PLEKHH2: variants seen among roughly 807,000 people sequenced by gnomAD.
The protein encoded by PLEKHH2 is pleckstrin homology domain-containing family H member 2.
PLEKHH2 carries 129 observed loss-of-function variants against 187.9 expected under a neutral mutation model. The observed-to-expected ratio is 0.69, with a 90% CI of 0.59 to 0.79. The LOEUF (loss-of-function observed/expected upper bound fraction) is 0.79. PLEKHH2 is among the 30% of genes least tolerant of loss of function. The probability of loss-of-function intolerance (pLI) is 0.00; values close to 1 mark genes in which losing one functional copy is unlikely to be tolerated. For missense variants in PLEKHH2, 2,076 were observed against 1,751.2 expected, an observed-to-expected ratio of 1.19 and a Z score of -3.31; for synonymous variants, 686 against 605.6, an observed-to-expected ratio of 1.13 and a Z score of -1.95.
intron 2 of PLEKHH2, among the ~76,000 whole-genome samples, chr2:43,666,931 A>T (rs1447815619): frequency 1.3e-5 from 2 of 152,168 alleles, no homozygotes; most frequent in Non-Finnish European, 2.9e-5. Context: ...AGTAATAGTA[A>T]TAGTAATAAT....
At chr2:43,757,654 A>G (rs1379390052) in intron 26 of PLEKHH2, among the ~76,000 whole-genome samples, 2 of 152,078 alleles carry the variant, frequency 1.3e-5, no homozygotes, top group Non-Finnish European at 2.9e-5. Context: ...TCCTGACCTC[A>G]TGAACTGCCT....
rs565634939 is a variant in PLEKHH2 at position 43,757,392 on chromosome 2, G to A, written c.3941+128G>A. ...CTCAAGATTTTTTTAACATGATTGA[G>A]CCACAGGAGATTATAGATTTTTTTT... On this transcript the variant is annotated intron_variant, in intron 26 of 29. Coordinates refer to ENST00000282406, the MANE Select transcript of PLEKHH2 (RefSeq NM_172069.4). 9.8e-5 allele frequency: 67 copies of A among 684,054 alleles called. 1 individual carries two copies. The South Asian group carries it at 3.1e-3, about 32-fold the overall frequency. The allele number at this position is 684,054 out of a possible 1,614,324, so 42.4% of individuals were successfully genotyped here.
chr2:43,682,446 A>G (rs991328949), intron 3 of PLEKHH2, among the ~76,000 whole-genome samples: 2 of 152,108 alleles, frequency 1.3e-5, no homozygotes, highest in Admixed American at 6.6e-5. Context: ...AGCTGGGACT[A>G]TAGGCACCCA....
chr2:43,754,194 ACAC>A lies in PLEKHH2; in HGVS notation c.3795+435_3795+437del, dbSNP rs1161946546. On this transcript the variant is annotated intron_variant, in intron 25 of 29. Transcript: ENST00000282406. Reference sequence around the variant, plus strand: ...CACACACACACACACACACACACACACACACACACACAAAATTAATACTGACTT... The same window carrying A: ...CACACACACACACACACACACACACAACACACACAAAATTAATACTGACTT... Among the ~76,000 whole-genome samples the A allele has an allele frequency of 7.9e-3, 976 of 124,164 alleles. 9 individuals carry two copies. Among genetic ancestry groups the A allele is most frequent in the Middle Eastern group, 0.03 (7 of 232 alleles). The allele number at this position is 124,164 out of a possible 152,430, so 81.5% of individuals were successfully genotyped here.
chr2:43,705,717 G>A (rs765700619), intron 9 of PLEKHH2, among the ~76,000 whole-genome samples: 1 of 152,034 alleles, frequency 6.6e-6, no homozygotes, highest in Non-Finnish European at 1.5e-5. Flanking sequence ...CCCTTCCCAG[G>A]TTCAAGCAAT....
chr2:43,712,170 A>G lies in PLEKHH2; in HGVS notation c.2302-55A>G, dbSNP rs573082666. 506 of 1,565,686 alleles carry G rather than the reference A, an allele frequency of 3.2e-4. 2 individuals are homozygous for G. Among genetic ancestry groups the G allele is most frequent in the Middle Eastern group, 1.4e-3 (8 of 5,908 alleles). On this transcript the variant is annotated intron_variant, in intron 14 of 29. Coordinates refer to ENST00000282406, the MANE Select transcript of PLEKHH2 (RefSeq NM_172069.4). ...TTTGAATAATGAACAAGGAAATGCT[A>G]ACAATCCTAAATCTTCACAGTTTTC...
chr2:43,740,793 C>G, intron 20 of PLEKHH2, 153 bp from the exon 21 acceptor site: 1 of 1,292,388 alleles, frequency 7.7e-7, no homozygotes. Context: ...TTGTTTTTAA[C>G]CTATGATAAA....
chr2:43,644,208 T>C (rs1666081072), intron 1 of PLEKHH2, among the ~76,000 whole-genome samples: 1 of 152,150 alleles, frequency 6.6e-6, no homozygotes, highest in South Asian at 2.1e-4. Flanking sequence ...CTTCCTTAAA[T>C]TTCAGAATAT....
chr2:43,731,527 T>C lies in PLEKHH2; in HGVS notation c.2868T>C (p.Ser956=), dbSNP rs763463467. 1.9e-6 allele frequency: 3 copies of C among 1,606,408 alleles called. No individual in the cohort carries two copies. The South Asian group carries it at 3.3e-5, about 18-fold the overall frequency. ...QIWRHPTLCH[S]KEGIISPLTT... ...GGAGACACCCCACTTTGTGTCACAG[T>C]AAAGAAGGAATCATTTCCCCTCTGA... The change falls in exon 19 of 30, where the codon AGT becomes AGC. Residue 956 remains serine, a synonymous_variant. Coordinates refer to ENST00000282406, the MANE Select transcript of PLEKHH2 (RefSeq NM_172069.4).
chr2:43,731,476 T>C lies in PLEKHH2; in HGVS notation c.2831-14T>C. On this transcript the variant is annotated splice_polypyrimidine_tract_variant and intron_variant, in intron 18 of 29. Transcript: ENST00000282406. ...TTTATTCAGTTTTCTGTTCATATTT[T>C]ATTCTGCATTTAGCCTCTCAGATAT... 1 of 1,494,710 alleles carries C rather than the reference T, an allele frequency of 6.7e-7. No individual in the cohort carries two copies. Among genetic ancestry groups the C allele is most frequent in the Non-Finnish European group, 9.3e-7 (1 of 1,075,166 alleles). 92.6% of individuals were successfully genotyped at this position (1,494,710 alleles called of 1,614,324 possible). A position where few individuals can be genotyped will look rare whatever the true frequency, so the allele number is the denominator to read the frequency against.
rs148319729 is a variant in PLEKHH2, at chr2:43,708,533, C to T, written c.1966+988C>T. ...CCTGACCACACCACTCAAATTGCAG[C>T]CCTTTGTCTTTCTTCTGTTGCCAGC... On this transcript the variant is annotated intron_variant, in intron 11 of 29. Transcript: ENST00000282406. Among the ~76,000 whole-genome samples, 4 of 152,348 alleles carry T rather than the reference C, an allele frequency of 2.6e-5. No individual in the cohort carries two copies. The East Asian group carries it at 7.7e-4, about 29-fold the overall frequency.
rs70965316 is a variant in PLEKHH2, at chr2:43,693,723, C to CAAAAAAA, written c.337-697_337-691dup. 8.6e-5 allele frequency among the ~76,000 whole-genome samples: 6 copies of CAAAAAAA among 69,706 alleles called. 1 individual carries two copies. The highest frequency in any genetic ancestry group is 1.3e-4 in the Non-Finnish European group (5 of 39,386). 45.7% of individuals were successfully genotyped at this position (69,706 alleles called of 152,430 possible). ...TGGGCGACTGAGCGAGACTCCATCT[C>CAAAAAAA]AAAAAAAAAAAAAAAAAGGAAAAAA... On this transcript the variant is annotated intron_variant, in intron 4 of 29. Transcript: ENST00000282406.
intron 19 of PLEKHH2, among the ~76,000 whole-genome samples, chr2:43,737,719 A>G (rs891750103): frequency 1.3e-5 from 2 of 152,228 alleles, no homozygotes; most frequent in African/African-American, 4.8e-5. Context: ...TAACGGGGAA[A>G]GAGAGAGAGT....
chr2:43,727,343 T>TAG (rs1670803613), intron 17 of PLEKHH2, among the ~76,000 whole-genome samples: 1 of 139,786 alleles, frequency 7.2e-6, no homozygotes, highest in South Asian at 2.2e-4. Flanking sequence ...ACCCAGGAGG[T>TAG]AGAGGTTGCA....
At chr2:43,725,675 A>G (rs1320590055) in intron 16 of PLEKHH2, among the ~76,000 whole-genome samples, 3 of 152,232 alleles carry the variant, frequency 2.0e-5, no homozygotes, top group Non-Finnish European at 2.9e-5. Context: ...ACTACTGCAT[A>G]AAAGTAGCAT....
At chr2:43,711,906 A>G (rs1413791637) in intron 14 of PLEKHH2, 1 of 1,001,556 alleles carries the variant, frequency 1.0e-6, no homozygotes, top group Non-Finnish European at 1.2e-6. Context: ...AAAAAAAAAA[A>G]AAAGAAAAGT....
At chr2:43,650,947 C>G (rs749851115) in intron 2 of PLEKHH2, among the ~76,000 whole-genome samples, 11 of 151,980 alleles carry the variant, frequency 7.2e-5, no homozygotes, top group South Asian at 2.1e-4. Context: ...GCCTGGCCAG[C>G]ATTACCTTTC....
At chr2:43,711,503 T>C in intron 14 of PLEKHH2, 3 of 953,902 alleles carry the variant, frequency 3.1e-6, no homozygotes, top group Non-Finnish European at 3.7e-6. Context: ...TTATTTATAG[T>C]TGATTTTGTC....
chr2:43,671,606 C>A (rs1424560797), intron 2 of PLEKHH2, among the ~76,000 whole-genome samples: 7 of 151,936 alleles, frequency 4.6e-5, no homozygotes, highest in Non-Finnish European at 1.0e-4. Context: ...TTTGTAGATA[C>A]CTTTTATTAG....
Sources: gnomAD v4.1 joint callset for allele counts (sites outside exome capture counted in the v4.1 genomes callset) on GRCh38, gnomAD v4.1.1 for gene constraint, MANE v1.5 for transcripts, NCBI Gene and HGNC (gene_info 2026-07-23, HGNC 2026-07-21) for gene names.